The following CACNA2D3 variants were observed in gnomAD, a reference collection of about 807,000 sequenced individuals.
The protein encoded by CACNA2D3 is calcium voltage-gated channel auxiliary subunit alpha2delta 3, also known as voltage-dependent calcium channel subunit alpha-2/delta-3.
Under a neutral mutation model 160.6 loss-of-function variants are expected in CACNA2D3, and 60 were observed. That is an observed-to-expected ratio of 0.37 (90% CI 0.30 to 0.46). The LOEUF (loss-of-function observed/expected upper bound fraction) is 0.46. Ranked by LOEUF, CACNA2D3 falls within the 20% of genes least tolerant of loss-of-function variation. The pLI is 1.00. For synonymous variants in CACNA2D3, 558 were observed against 492.9 expected, an observed-to-expected ratio of 1.13 and a Z score of -1.75; for missense variants, 1,205 against 1,365.0, an observed-to-expected ratio of 0.88 and a Z score of 1.85.
intron 4 of CACNA2D3, among the ~76,000 whole-genome samples, chr3:54,472,738 A>G (rs1363642424): frequency 6.6e-6 from 1 of 152,216 alleles, no homozygotes; most frequent in Non-Finnish European, 1.5e-5. Context: ...TCTGTACACC[A>G]ATAATAGATA....
intron 4 of CACNA2D3, among the ~76,000 whole-genome samples, chr3:54,448,090 G>C (rs1374644450): frequency 2.6e-5 from 4 of 152,128 alleles, no homozygotes; most frequent in African/African-American, 9.7e-5. Context: ...CTACTTTTCT[G>C]CATCCATAGT....
At chr3:54,289,955 C>G (rs1703143655) in intron 2 of CACNA2D3, among the ~76,000 whole-genome samples, 1 of 151,730 alleles carries the variant, frequency 6.6e-6, no homozygotes, top group Admixed American at 6.6e-5. Flanking sequence ...CATAAAAACC[C>G]TAGAAGAAAA....
At chr3:54,518,613 G>A (rs1018791295) in intron 5 of CACNA2D3, among the ~76,000 whole-genome samples, 11 of 152,340 alleles carry the variant, frequency 7.2e-5, no homozygotes, top group South Asian at 2.1e-4. Flanking sequence ...TTCCAGAAAT[G>A]CTCTCTGCTT....
At chr3:54,332,363 G>A (rs1255497398) in intron 3 of CACNA2D3, among the ~76,000 whole-genome samples, 2 of 152,186 alleles carry the variant, frequency 1.3e-5, no homozygotes, top group Non-Finnish European at 2.9e-5. Context: ...TGAGTTGTTA[G>A]CATTTAAAAA....
intron 2 of CACNA2D3, among the ~76,000 whole-genome samples, chr3:54,223,604 C>T (rs1701613683): frequency 6.6e-6 from 1 of 151,862 alleles, no homozygotes; most frequent in African/African-American, 2.4e-5. Flanking sequence ...CACTGTAATC[C>T]CATCACTTTG....
At chr3:54,258,501 G>A (rs1180432780) in intron 2 of CACNA2D3, among the ~76,000 whole-genome samples, 2 of 152,226 alleles carry the variant, frequency 1.3e-5, no homozygotes, top group African/African-American at 4.8e-5. Context: ...TGATGTTGGA[G>A]AATGAAGTTC....
At chr3:54,332,973 G>A (rs1704298549) in intron 3 of CACNA2D3, among the ~76,000 whole-genome samples, 1 of 152,158 alleles carries the variant, frequency 6.6e-6, no homozygotes, top group Non-Finnish European at 1.5e-5. Context: ...AGGGAACCCA[G>A]GGAGTGAAGC....
At chr3:54,484,803 A>C (rs79776195) in intron 4 of CACNA2D3, among the ~76,000 whole-genome samples, 1 of 152,010 alleles carries the variant, frequency 6.6e-6, no homozygotes, top group African/African-American at 2.4e-5. Context: ...GTGAATTATG[A>C]GAGTATGAGA....
At chr3:54,667,134 G>A (rs1369493703) in intron 11 of CACNA2D3, among the ~76,000 whole-genome samples, 1 of 152,138 alleles carries the variant, frequency 6.6e-6, no homozygotes, top group Non-Finnish European at 1.5e-5. Context: ...TATTCTGGCT[G>A]GCACAGTATA....
At chr3:55,028,861 A>G (rs1247673402) in intron 35 of CACNA2D3, among the ~76,000 whole-genome samples, 1 of 152,156 alleles carries the variant, frequency 6.6e-6, no homozygotes, top group African/African-American at 2.4e-5. Flanking sequence ...AGCTTTGCTC[A>G]TCTTCCTGGA....
chr3:54,520,355 G>A (rs77934404), intron 5 of CACNA2D3, among the ~76,000 whole-genome samples: 3,107 of 152,326 alleles, frequency 0.02, 93 homozygotes, highest in East Asian at 0.11. Context: ...CTGAGAAGCA[G>A]ATGAAGCTGG....
chr3:54,506,799 G>C (rs1295640959), intron 5 of CACNA2D3, among the ~76,000 whole-genome samples: 1 of 152,176 alleles, frequency 6.6e-6, no homozygotes, highest in East Asian at 1.9e-4. Context: ...AGACTTTGAA[G>C]ATGAATGGCT....
At chr3:54,704,611 C>T (rs929673040) in intron 11 of CACNA2D3, among the ~76,000 whole-genome samples, 3 of 152,084 alleles carry the variant, frequency 2.0e-5, no homozygotes, top group African/African-American at 7.2e-5. Flanking sequence ...ATCACTCAGA[C>T]GTTGGTGATA....
intron 11 of CACNA2D3, among the ~76,000 whole-genome samples, chr3:54,642,870 G>T (rs765112419): frequency 6.6e-6 from 1 of 152,158 alleles, no homozygotes; most frequent in Non-Finnish European, 1.5e-5. Flanking sequence ...TATCTTGCCT[G>T]AGTTCCCTGG....
intron 2 of CACNA2D3, among the ~76,000 whole-genome samples, chr3:54,218,765 C>T (rs534110012): frequency 4.3e-4 from 66 of 152,290 alleles, no homozygotes; most frequent in African/African-American, 1.6e-3. Flanking sequence ...TCTGGAGGCT[C>T]TAGGGAAAAA....
At chr3:54,358,564 C>T (rs562473207) in intron 3 of CACNA2D3, among the ~76,000 whole-genome samples, 4 of 152,154 alleles carry the variant, frequency 2.6e-5, no homozygotes, top group East Asian at 1.9e-4. Flanking sequence ...AGAACAGGGG[C>T]GCCTCAAGGC....
chr3:55,023,804 A>G (rs1368387616), intron 35 of CACNA2D3, among the ~76,000 whole-genome samples: 1 of 151,754 alleles, frequency 6.6e-6, no homozygotes, highest in Non-Finnish European at 1.5e-5. Context: ...TATTTTTCCT[A>G]AGCAGCATGT....
intron 26 of CACNA2D3, among the ~76,000 whole-genome samples, chr3:54,898,976 C>T (rs561662359): frequency 6.6e-6 from 1 of 152,286 alleles, no homozygotes; most frequent in South Asian, 2.1e-4. Context: ...TTTATTGCTG[C>T]TTAAACTTGG....
intron 25 of CACNA2D3, among the ~76,000 whole-genome samples, chr3:54,893,205 G>A (rs1168445647): frequency 6.6e-6 from 1 of 152,234 alleles, no homozygotes; most frequent in East Asian, 1.9e-4. Context: ...GAACCCGGGA[G>A]GTGAAGGCTG....
Sources: gnomAD v4.1 joint callset for allele counts (sites outside exome capture counted in the v4.1 genomes callset) on GRCh38, gnomAD v4.1.1 for gene constraint, MANE v1.5 for transcripts, NCBI Gene and HGNC (gene_info 2026-07-23, HGNC 2026-07-21) for gene names.